The following ACCS variants were observed in gnomAD, a reference collection of about 807,000 sequenced individuals.
ACCS encodes the protein 1-aminocyclopropane-1-carboxylate synthase-like protein 1.
ACCS carries 42 observed loss-of-function variants against 59.8 expected under a neutral mutation model. The observed-to-expected ratio is 0.70, with a 90% CI of 0.55 to 0.91. ACCS has a LOEUF of 0.91. Ranked by LOEUF, ACCS falls within the 40% of genes least tolerant of loss-of-function variation. The probability of loss-of-function intolerance (pLI) is 0.00; values close to 1 mark genes in which losing one functional copy is unlikely to be tolerated. For missense variants in ACCS, 602 were observed against 630.4 expected (o/e 0.95, Z 0.48); for synonymous variants, 230 against 240.3 (o/e 0.96, Z 0.40).
intron 2 of ACCS, 149 bp from the exon 3 acceptor site, chr11:44,071,107 C>A: frequency 2.6e-6 from 2 of 781,378 alleles, no homozygotes; most frequent in Non-Finnish European, 4.3e-6. Context: ...GAGCAGAAGG[C>A]ACACCTTGAG....
Position 44,075,787 on chromosome 11 carries a change from G to A in ACCS, c.556+195G>A, listed in dbSNP as rs7947473. The A allele has an allele frequency of 1.8e-3, 1,112 of 609,412 alleles. 6 individuals are homozygous for A. Among genetic ancestry groups the A allele is most frequent in the Middle Eastern group, 2.6e-3 (6 of 2,278 alleles). The allele number at this position is 609,412 out of a possible 1,614,324, so 37.8% of individuals were successfully genotyped here. Reference sequence around the variant, plus strand: ...TCCAGGGGAGGTTAGTTTGATGTCAGGGTCCTGGGCTTTCTCTCTGCCATG... The same window carrying A: ...TCCAGGGGAGGTTAGTTTGATGTCAAGGTCCTGGGCTTTCTCTCTGCCATG... On this transcript the variant is annotated intron_variant, in intron 6 of 14. Coordinates refer to ENST00000263776, the MANE Select transcript of ACCS (RefSeq NM_032592.4).
Position 44,073,435 on chromosome 11 carries a change from C to G in ACCS, c.349-12C>G. ...CTGGCCCTCAGCCGTGCTCTTCCCT[C>G]TCTGTCCCCAGCTGAGTCAGCGCGA... On this transcript the variant is annotated splice_polypyrimidine_tract_variant and intron_variant, in intron 3 of 14. Transcript: ENST00000263776. The G allele has an allele frequency of 1.9e-6, 3 of 1,604,858 alleles. No individual in the cohort carries two copies. The South Asian group carries it at 3.4e-5, about 18-fold the overall frequency.
intron 11 of ACCS, 40 bp from the exon 12 acceptor site, chr11:44,081,139 A>C: frequency 1.2e-6 from 2 of 1,614,176 alleles, no homozygotes. Flanking sequence ...AGCTTCCTCC[A>C]TGGAGGGCTG....
intron 7 of ACCS, 172 bp from the exon 8 acceptor site, chr11:44,077,673 G>C: frequency 6.9e-7 from 1 of 1,445,656 alleles, no homozygotes; most frequent in Non-Finnish European, 9.1e-7. Context: ...GGTCTCTGAA[G>C]TGATGGGTTG....
At position 44,074,599 on chromosome 11, in the gene ACCS, G is replaced by T; in HGVS notation, c.420-13G>T. ...ACCATCTGGCAAGCACTGTCTTTTT[G>T]TCTTATCTTCAGCCTCCGGGAGGAA... On this transcript the variant is annotated splice_polypyrimidine_tract_variant and intron_variant, in intron 4 of 14. Transcript: ENST00000263776. 2 of 1,612,812 alleles carry T rather than the reference G, an allele frequency of 1.2e-6. No homozygotes were observed. Among genetic ancestry groups the T allele is most frequent in the Non-Finnish European group, 1.7e-6 (2 of 1,179,130 alleles).
chr11:44,074,950 G>A (rs1250915615), intron 5 of ACCS, among the ~76,000 whole-genome samples: 1 of 150,760 alleles, frequency 6.6e-6, no homozygotes, highest in Non-Finnish European at 1.5e-5. Context: ...TCAGCCTCCC[G>A]AGTAGGTGGG....
chr11:44,081,049 T>G lies in ACCS; in HGVS notation c.953T>G (p.Met318Arg), dbSNP rs144115399. The change falls in exon 11 of 15, where the codon ATG becomes AGG. Residue 318 changes from methionine (M) to arginine (R), a missense_variant. Physicochemically the swap from Met to Arg is moderately conservative, Grantham distance 91. Coordinates refer to ENST00000263776, the MANE Select transcript of ACCS (RefSeq NM_032592.4). ...CCTGACCCCCAGAGGACCCATGTGA[T>G]GTGGGCAACCAGCAAGGTGAGTTCC... is the stretch of plus-strand genomic sequence containing the variant. ...RLPDPQRTHV[M>R]WATSKDFGMS... is the part of the protein sequence containing the mutation. 8 of 1,614,030 alleles carry G rather than the reference T, an allele frequency of 5.0e-6. No homozygotes were observed. The highest frequency in any genetic ancestry group is 5.9e-6 in the Non-Finnish European group (7 of 1,180,028).
chr11:44,079,495 A>T (rs776894278), intron 9 of ACCS, 36 bp from the exon 10 acceptor site: 15 of 1,571,894 alleles, frequency 9.5e-6, no homozygotes, highest in African/African-American at 1.3e-5. Flanking sequence ...TGCCCTACAC[A>T]CTAAGTCTCT....
chr11:44,072,175 T>TATTTA (rs1405694493), intron 3 of ACCS: 1 of 152,032 alleles, frequency 6.6e-6, no homozygotes, highest in African/African-American at 2.4e-5. Context: ...TTTATTTATT[T>TATTTA]AAGATGGAGT....
intron 2 of ACCS, among the ~76,000 whole-genome samples, chr11:44,070,598 GTC>G (rs1270542525): frequency 6.6e-6 from 1 of 152,154 alleles, no homozygotes; most frequent in Non-Finnish European, 1.5e-5. Context: ...CCTGCACCGA[GTC>G]TCCCTGGGGA....
chr11:44,075,731 T>A, intron 6 of ACCS, 139 bp downstream of exon 6: 1 of 1,063,108 alleles, frequency 9.4e-7, no homozygotes, highest in Non-Finnish European at 1.3e-6. Flanking sequence ...CTTGAATAAG[T>A]GGCTTGACAA....
Position 44,083,361 on chromosome 11 carries a change from A to G in ACCS, c.1254+50A>G, listed in dbSNP as rs1448072624. ...GAGAGGGAGTTTCAGGTCTCCCTCC[A>G]GCAGGTGAGGGGCAGTTGGTGAGGG... On this transcript the variant is annotated intron_variant, in intron 13 of 14. Transcript: ENST00000263776. 5.6e-6 allele frequency: 9 copies of G among 1,613,016 alleles called. No individual in the cohort carries two copies. The East Asian group carries it at 2.0e-4, about 36-fold the overall frequency.
chr11:44,077,468 T>C (rs1193497921), intron 7 of ACCS, 92 bp downstream of exon 7: 1 of 1,577,544 alleles, frequency 6.3e-7, no homozygotes, highest in Non-Finnish European at 8.6e-7. Context: ...TGCTGAGGGC[T>C]CTGGGGTTGT....
rs1293874928 is a variant in ACCS at position 44,073,447 on chromosome 11, C to G, written c.349C>G (p.Leu117Val). 1 of 1,606,476 alleles carries G rather than the reference C, an allele frequency of 6.2e-7. No homozygotes were observed. Among genetic ancestry groups the G allele is most frequent in the Non-Finnish European group, 8.5e-7 (1 of 1,177,026 alleles). The change falls in exon 4 of 15, where the codon CTG becomes GTG. Residue 117 changes from leucine to valine, a missense_variant and splice_region_variant. By Grantham distance (32) the Leu-to-Val change is conservative (BLOSUM62 1). Transcript: ENST00000263776. Reference sequence around the variant, plus strand: ...CGTGCTCTTCCCTCTCTGTCCCCAGCTGAGTCAGCGCGACATGCAGAGGGT... The same window carrying G: ...CGTGCTCTTCCCTCTCTGTCCCCAGGTGAGTCAGCGCGACATGCAGAGGGT... ...KLCFDLLSWR[L>V]SQRDMQRVEP...
At chr11:44,077,089 C>T (rs112237561) in intron 6 of ACCS, among the ~76,000 whole-genome samples, 190 bp from the exon 7 acceptor site, 2,546 of 152,300 alleles carry the variant, frequency 0.017, 67 homozygotes, top group African/African-American at 0.058. Flanking sequence ...GGGGACACAG[C>T]CAAACCATAT....
chr11:44,077,488 G>A, intron 7 of ACCS, 112 bp downstream of exon 7: 1 of 1,527,378 alleles, frequency 6.5e-7, no homozygotes, highest in East Asian at 2.3e-5. Flanking sequence ...TGATGAGTAG[G>A]GAATGGAGCC....
intron 10 of ACCS, chr11:44,080,744 G>A (rs1953601367): frequency 1.9e-6 from 1 of 518,052 alleles, no homozygotes. Context: ...TCTCTTTGAT[G>A]AGTGACATTT....
chr11:44,067,643 C>A lies in ACCS; in HGVS notation c.16C>A (p.Gln6Lys). The stretch of plus-strand genomic sequence containing the variant: ...CTTTTTGCAGATGTTCACCCTTCCT[C>A]AAAAGGACTTCAGGGCTCCCACCAC... Reference protein sequence around the residue: MFTLPQKDFRAPTTCL... With the variant: MFTLPKKDFRAPTTCL... Residue 6 changes from glutamine to lysine, a missense_variant, in exon 2 of 15, where the codon CAA becomes AAA. Transcript: ENST00000263776. 6.2e-7 allele frequency: 1 copy of A among 1,610,046 alleles called. No homozygotes were observed. Among genetic ancestry groups the A allele is most frequent in the Non-Finnish European group, 8.5e-7 (1 of 1,178,150 alleles).
chr11:44,073,987 G>A (rs547841031), intron 4 of ACCS, among the ~76,000 whole-genome samples: 1 of 152,274 alleles, frequency 6.6e-6, no homozygotes, highest in Admixed American at 6.5e-5. Flanking sequence ...CTTGCTTGTG[G>A]ACACTGTTCT....
Sources: gnomAD v4.1 joint callset for allele counts (sites outside exome capture counted in the v4.1 genomes callset) on GRCh38, gnomAD v4.1.1 for gene constraint, MANE v1.5 for transcripts, NCBI Gene and HGNC (gene_info 2026-07-23, HGNC 2026-07-21) for gene names.